Variants in TECTA observed in about 807,000 individuals in gnomAD.
TECTA encodes tectorin alpha, also known as alpha-tectorin.
In TECTA, 128 loss-of-function variants were observed where a neutral mutation model predicts 216.8. The observed-to-expected ratio is 0.59, with a 90% CI of 0.51 to 0.68. The LOEUF (loss-of-function observed/expected upper bound fraction) is 0.68, where lower values mean the gene tolerates loss of function less well. Among genes scored for constraint, TECTA ranks in the 30% least tolerant of loss-of-function variants. The pLI is 0.00. For missense variants in TECTA, 2,551 were observed against 2,786.2 expected, an observed-to-expected ratio of 0.92 and a Z score of 1.90; for synonymous variants, 1,089 against 1,117.1, an observed-to-expected ratio of 0.97 and a Z score of 0.50.
At chr11:121,128,574 C>T (rs1232933912) in intron 9 of TECTA, among the ~76,000 whole-genome samples, 9 of 152,310 alleles carry the variant, frequency 5.9e-5, no homozygotes, top group African/African-American at 1.4e-4. Context: ...ACTAGCTCTC[C>T]GGAATAGCAA....
At chr11:121,135,469 T>C (rs1253202851) in intron 10 of TECTA, among the ~76,000 whole-genome samples, 1 of 152,248 alleles carries the variant, frequency 6.6e-6, no homozygotes, top group Non-Finnish European at 1.5e-5. Context: ...AGAACATTCA[T>C]AATTTAAAGA....
At chr11:121,119,064 A>C (rs1035809678) in intron 7 of TECTA, among the ~76,000 whole-genome samples, 1 of 151,856 alleles carries the variant, frequency 6.6e-6, no homozygotes, top group Admixed American at 6.6e-5. Context: ...GAAAGAGATA[A>C]GTTTCTCATG....
At chr11:121,173,940 C>G (rs1223160320) in intron 20 of TECTA, among the ~76,000 whole-genome samples, 1 of 151,512 alleles carries the variant, frequency 6.6e-6, no homozygotes, top group Non-Finnish European at 1.5e-5. Flanking sequence ...GTATTTTATT[C>G]TCTTTGAAGC....
intron 10 of TECTA, 115 bp from the exon 11 acceptor site, chr11:121,137,306 A>C (rs1051497352): frequency 1.5e-6 from 2 of 1,332,716 alleles, no homozygotes; most frequent in Non-Finnish European, 2.1e-6. Context: ...ATGCATGCAC[A>C]CACGCACATG....
Position 121,190,789 on chromosome 11 carries a change from T to G in TECTA, c.6451T>G (p.Ser2151Ala). The G allele has an allele frequency of 1.9e-6, 3 of 1,613,010 alleles. No homozygotes were observed. Among genetic ancestry groups the G allele is most frequent in the Non-Finnish European group, 2.5e-6 (3 of 1,179,372 alleles). ...TTCATTATGGCATTTTGTCTATAAATCAGGCACGACCTCATAATTAACTCA... is the reference window on the plus strand; with the variant it reads ...TTCATTATGGCATTTTGTCTATAAAGCAGGCACGACCTCATAATTAACTCA... ...QISLWHFVYK[S>A]GTTS is the part of the protein sequence containing the mutation. The change falls in exon 24 of 24, where the codon TCA (serine) becomes GCA (alanine). Residue 2151 changes from serine to alanine, a missense_variant. Ser to Ala is a moderately conservative substitution (Grantham distance 99). This residue lies in a region of TECTA where 118 missense variants were observed against 116.4 expected (regional missense o/e 1.01). Transcript: ENST00000392793.
At chr11:121,114,192 C>A (rs1024619260) in intron 6 of TECTA, among the ~76,000 whole-genome samples, 1 of 152,080 alleles carries the variant, frequency 6.6e-6, no homozygotes, top group Non-Finnish European at 1.5e-5. Flanking sequence ...ATCAGTACTT[C>A]CTAGTATGAT....
intron 12 of TECTA, among the ~76,000 whole-genome samples, chr11:121,150,223 G>A (rs771875648): frequency 5.9e-5 from 9 of 152,204 alleles, no homozygotes; most frequent in East Asian, 3.8e-4. Context: ...AGAAATTAGC[G>A]TATGGTAAAG....
Position 121,160,636 on chromosome 11 carries a change from A to G in TECTA, c.4976+215A>G, listed in dbSNP as rs565763342. Among the ~76,000 whole-genome samples, 18 of 152,314 alleles carry G rather than the reference A, an allele frequency of 1.2e-4. No individual in the cohort carries two copies. The South Asian group carries it at 3.3e-3, about 28-fold the overall frequency. ...GAGGAAGGAGTTGGGCTTAGATGATATAACTCTAATTTTCATGTCATCCAG... is the reference window on the plus strand; with the variant it reads ...GAGGAAGGAGTTGGGCTTAGATGATGTAACTCTAATTTTCATGTCATCCAG... On this transcript the variant is annotated intron_variant, in intron 15 of 23. Transcript: ENST00000392793.
Position 121,158,141 on chromosome 11 carries a change from G to GC in TECTA, c.4611dup (p.Asn1538GlnfsTer13). 1 of 1,614,086 alleles carries GC rather than the reference G, an allele frequency of 6.2e-7. No individual in the cohort carries two copies. Among genetic ancestry groups the GC allele is most frequent in the Non-Finnish European group, 8.5e-7 (1 of 1,180,006 alleles). On this transcript the variant is annotated frameshift_variant, in exon 14 of 24. Transcript: ENST00000392793. LOFTEE classifies it high-confidence loss of function. ...TATCATCAACTTCGACAAGTGGTCG[G>GC]CCCCCAACCTCACCATCATTTCGCC...
At chr11:121,148,341 A>G (rs1405719106) in intron 12 of TECTA, among the ~76,000 whole-genome samples, 1 of 152,216 alleles carries the variant, frequency 6.6e-6, no homozygotes, top group Non-Finnish European at 1.5e-5. Flanking sequence ...GCAAAGATCC[A>G]AAAGTTAGAG....
intron 17 of TECTA, among the ~76,000 whole-genome samples, chr11:121,166,199 G>A (rs1416260057): frequency 6.6e-6 from 1 of 152,182 alleles, no homozygotes; most frequent in African/African-American, 2.4e-5. Context: ...GATGTGGTCT[G>A]GCCAGTGCTG....
chr11:121,113,688 A>G lies in TECTA; in HGVS notation c.760A>G (p.Ile254Val). Residue 254 changes from isoleucine (I) to valine (V), a missense_variant, in exon 6 of 24, where the codon ATT (isoleucine) becomes GTT (valine). Coordinates refer to ENST00000392793, the MANE Select transcript of TECTA (RefSeq NM_005422.4). The surrounding 1 kb of genome is among the most constrained non-coding windows in gnomAD (Gnocchi z 4.2). ...RWAFKVDGKEIDPANGCTSRG... is the reference protein window; with the variant it reads ...RWAFKVDGKEVDPANGCTSRG... The stretch of plus-strand genomic sequence containing the variant: ...GGCATTTAAAGTTGATGGAAAGGAA[A>G]TTGACCCAGCCAATGGCTGCACCTC... The G allele has an allele frequency of 6.2e-7, 1 of 1,613,822 alleles. No homozygotes were observed. The highest frequency in any genetic ancestry group is 8.5e-7 in the Non-Finnish European group (1 of 1,180,024).
chr11:121,176,171 T>C (rs1310525), intron 20 of TECTA, among the ~76,000 whole-genome samples: 2,698 of 148,778 alleles, frequency 0.018, 69 homozygotes, highest in African/African-American at 0.065. Flanking sequence ...TTAATTGGAG[T>C]ATTTAGTCCA....
In TECTA at chr11:121,137,711, A is replaced by C; in HGVS notation, c.3232A>C (p.Lys1078Gln). Residue 1078 changes from lysine (K) to glutamine (Q), a missense_variant, in exon 11 of 24, where the codon AAG (lysine) becomes CAG (glutamine). Lys to Gln is a moderately conservative substitution (Grantham distance 53). Coordinates refer to ENST00000392793, the MANE Select transcript of TECTA (RefSeq NM_005422.4). ...NRVHCETIPC[K>Q]DDEYCMEEGG... ...GGTCCACTGCGAGACCATTCCCTGC[A>C]AGGATGATGAGTACTGCATGGAGGA... 6.2e-7 allele frequency: 1 copy of C among 1,614,106 alleles called. No homozygotes were observed. The highest frequency in any genetic ancestry group is 2.2e-5 in the East Asian group (1 of 44,870).
chr11:121,108,430 C>T (rs886495244), intron 3 of TECTA, among the ~76,000 whole-genome samples: 1 of 149,782 alleles, frequency 6.7e-6, no homozygotes, highest in African/African-American at 2.5e-5. Context: ...ACATATACAT[C>T]CCACCTCAGT....
At position 121,135,539 on chromosome 11, in the gene TECTA, C is replaced by G. The variant is rs576986356; in HGVS notation, c.2942-1882C>G. 3.3e-5 allele frequency among the ~76,000 whole-genome samples: 5 copies of G among 152,334 alleles called. No homozygotes were observed. The East Asian group carries it at 7.7e-4, about 23-fold the overall frequency. On this transcript the variant is annotated intron_variant, in intron 10 of 23. Coordinates refer to ENST00000392793, the MANE Select transcript of TECTA (RefSeq NM_005422.4). The stretch of plus-strand genomic sequence containing the variant: ...ATCAGTGCTGAACTAGCCTTCAACT[C>G]CAAAGCCGTGTGGTATTGTAGTCAA...
chr11:121,125,888 A>T lies in TECTA; in HGVS notation c.1774+16A>T. ...ACTGGGTGTGGTAAGCTGGCATCCC[A>T]TCCCCATGACAGGTCTCTCTTGTGC... On this transcript the variant is annotated intron_variant, in intron 8 of 23. Coordinates refer to ENST00000392793, the MANE Select transcript of TECTA (RefSeq NM_005422.4). 1 of 1,603,380 alleles carries T rather than the reference A, an allele frequency of 6.2e-7. No individual in the cohort carries two copies. The highest frequency in any genetic ancestry group is 1.3e-5 in the African/African-American group (1 of 75,036).
In TECTA at chr11:121,109,202, T is replaced by C. The variant is rs1188716467; in HGVS notation, c.199-9T>C. ...GATCCACTGTGCAAAACCTCTCTTA[T>C]TTTCGTAGGTCAATAACAACGGAGT... On this transcript the variant is annotated splice_polypyrimidine_tract_variant and intron_variant, in intron 3 of 23. Coordinates refer to ENST00000392793, the MANE Select transcript of TECTA (RefSeq NM_005422.4). The C allele has an allele frequency of 6.2e-7, 1 of 1,613,988 alleles. No homozygotes were observed. The highest frequency in any genetic ancestry group is 8.5e-7 in the Non-Finnish European group (1 of 1,180,012).
intron 12 of TECTA, among the ~76,000 whole-genome samples, chr11:121,149,137 A>G (rs1310475626): frequency 2.0e-5 from 3 of 152,204 alleles, no homozygotes; most frequent in Non-Finnish European, 4.4e-5. Flanking sequence ...AGAGGAAGAA[A>G]CTGAAGCTCA....
Sources: gnomAD v4.1 joint callset for allele counts (sites outside exome capture counted in the v4.1 genomes callset) on GRCh38, gnomAD v4.1.1 for gene constraint, gnomAD v4.1.1 regional missense constraint, Gnocchi (gnomAD v3.1) non-coding constraint, MANE v1.5 for transcripts, NCBI Gene and HGNC (gene_info 2026-07-23, HGNC 2026-07-21) for gene names.